MIER2: variants seen among roughly 807,000 people sequenced by gnomAD.
MIER2 encodes mesoderm induction early response protein 2.
In MIER2, 30 loss-of-function variants were observed where a neutral mutation model predicts 67.6. The ratio of observed to expected loss-of-function variants is 0.44; its 90% CI spans 0.33 to 0.60. The LOEUF is 0.60. MIER2 is among the 20% of genes least tolerant of loss of function. The probability of loss-of-function intolerance (pLI) is 0.02; values close to 1 mark genes in which losing one functional copy is unlikely to be tolerated. For synonymous variants in MIER2, 372 were observed against 312.6 expected (o/e 1.19, Z -2.00); for missense variants, 702 against 745.1 (o/e 0.94, Z 0.67).
chr19:314,605 C>T (rs916491907), intron 7 of MIER2, among the ~76,000 whole-genome samples: 1 of 152,096 alleles, frequency 6.6e-6, no homozygotes, highest in Non-Finnish European at 1.5e-5. Context: ...TGTGCCCCAC[C>T]AAGCAGGGGC....
chr19:326,401 G>A (rs1971750542), intron 6 of MIER2, 106 bp downstream of exon 6: 7 of 991,982 alleles, frequency 7.1e-6, no homozygotes, highest in Non-Finnish European at 1.1e-5. Flanking sequence ...CCACGGCCGG[G>A]ATGCCAGGCT....
chr19:313,754 G>C, intron 7 of MIER2, 111 bp from the exon 8 acceptor site: 1 of 1,432,324 alleles, frequency 7.0e-7, no homozygotes, highest in Non-Finnish European at 9.4e-7. Context: ...GGCACTGTCC[G>C]TCCTCCCTTT....
In MIER2 at chr19:317,334, G is replaced by T. The variant is rs371305610; in HGVS notation, c.656-3691C>A. ...CGAGGTCAGGAGATCGAGACCACCCGGGCTAACACGGTGAAACCTCGTCTC... is the reference window on the plus strand; with the variant it reads ...CGAGGTCAGGAGATCGAGACCACCCTGGCTAACACGGTGAAACCTCGTCTC... On this transcript the variant is annotated intron_variant, in intron 7 of 13. Transcript: ENST00000264819. 3.3e-3 allele frequency among the ~76,000 whole-genome samples: 499 copies of T among 151,800 alleles called. 3 individuals are homozygous for T. The highest frequency in any genetic ancestry group is 0.015 in the East Asian group (78 of 5,122).
intron 1 of MIER2, among the ~76,000 whole-genome samples, chr19:341,721 G>A (rs554734620): frequency 1.5e-4 from 23 of 152,230 alleles, no homozygotes; most frequent in Non-Finnish European, 1.5e-4. Context: ...AGTGGAAGCA[G>A]GAAAAAGAGG....
intron 6 of MIER2, among the ~76,000 whole-genome samples, chr19:326,148 G>A (rs528537865): frequency 6.6e-6 from 1 of 152,136 alleles, no homozygotes; most frequent in Admixed American, 6.5e-5. Context: ...GCCATGGGAG[G>A]GATGCCAGGT....
intron 10 of MIER2, among the ~76,000 whole-genome samples, chr19:310,126 G>A (rs1970885973): frequency 6.6e-6 from 1 of 152,164 alleles, no homozygotes; most frequent in Non-Finnish European, 1.5e-5. Context: ...ACAGAGCTGG[G>A]CGCACACCTG....
chr19:326,774 A>G, intron 5 of MIER2, 176 bp from the exon 6 acceptor site: 1 of 609,104 alleles, frequency 1.6e-6, no homozygotes, highest in South Asian at 2.0e-5. Flanking sequence ...ACCTTTGAAG[A>G]AAGAGGCCTT....
At chr19:309,983 G>C (rs111798289) in intron 10 of MIER2, among the ~76,000 whole-genome samples, 15 of 120,074 alleles carry the variant, frequency 1.2e-4, no homozygotes, top group South Asian at 2.7e-4. Flanking sequence ...GCTTCAGGGA[G>C]ACGAGAAGGG....
intron 7 of MIER2, among the ~76,000 whole-genome samples, chr19:322,968 A>G (rs1971560791): frequency 6.6e-6 from 1 of 151,670 alleles, no homozygotes; most frequent in Admixed American, 6.6e-5. Flanking sequence ...ACAATGGAAC[A>G]CACAAGAGAC....
chr19:340,080 GA>G (rs1175478724), intron 1 of MIER2, among the ~76,000 whole-genome samples: 2 of 152,142 alleles, frequency 1.3e-5, no homozygotes, highest in Non-Finnish European at 2.9e-5. Context: ...GGGTCCTCAA[GA>G]AAAAACCTCA....
At chr19:317,278 A>G (rs1055455718) in intron 7 of MIER2, among the ~76,000 whole-genome samples, 1 of 151,994 alleles carries the variant, frequency 6.6e-6, no homozygotes, top group East Asian at 1.9e-4. Flanking sequence ...CTGTAATCCC[A>G]GCACTTTGGG....
chr19:329,866 CAA>C lies in MIER2; in HGVS notation c.244-1879_244-1878del, dbSNP rs36067469. ...AGGTGACGAGAGCAATACTCCGTCT[CAA>C]AAAAAAAAAAAAAAAAAAAGAAGAT... On this transcript the variant is annotated intron_variant, in intron 3 of 13. Transcript: ENST00000264819. Among the ~76,000 whole-genome samples, 733 of 94,752 alleles carry C rather than the reference CAA, an allele frequency of 7.7e-3. 5 individuals carry two copies. The highest frequency in any genetic ancestry group is 0.02 in the African/African-American group (486 of 24,910). 62.2% of individuals were successfully genotyped at this position (94,752 alleles called of 152,430 possible). A position where few individuals can be genotyped will look rare whatever the true frequency, so the allele number is the denominator to read the frequency against.
At chr19:342,884 G>A (rs973477080) in intron 1 of MIER2, among the ~76,000 whole-genome samples, 1 of 151,872 alleles carries the variant, frequency 6.6e-6, no homozygotes, top group African/African-American at 2.4e-5. Flanking sequence ...AGGAAGTTCT[G>A]AGTCACTGGG....
intron 4 of MIER2, 125 bp from the exon 5 acceptor site, chr19:327,381 T>A (rs527927513): frequency 2.3e-4 from 288 of 1,235,220 alleles, no homozygotes; most frequent in Non-Finnish European, 3.0e-4. Context: ...CTATTCCCAT[T>A]CTGCAAAGGG....
At chr19:334,639 G>A in intron 2 of MIER2, 97 bp from the exon 3 acceptor site, 2 of 1,488,954 alleles carry the variant, frequency 1.3e-6, no homozygotes, top group Non-Finnish European at 1.8e-6. Flanking sequence ...TAAGGATGAG[G>A]CCCTCTGCAT....
At chr19:310,632 TAGAAACAGCCCAGAGTCC>T (rs1970938549) in intron 10 of MIER2, among the ~76,000 whole-genome samples, 56 of 121,910 alleles carry the variant, frequency 4.6e-4, no homozygotes, top group African/African-American at 9.6e-4. Flanking sequence ...CCCGGAGCTA[TAGAAACAGCCCAGAGTCC>T]AGAAACACAG....
chr19:324,180 A>T (rs1416239429), intron 7 of MIER2, among the ~76,000 whole-genome samples: 1 of 140,618 alleles, frequency 7.1e-6, no homozygotes, highest in Non-Finnish European at 1.5e-5. Context: ...AATACACAGG[A>T]CACACACAAC....
At chr19:326,986 C>T (rs1178914092) in intron 5 of MIER2, 147 bp downstream of exon 5, 1 of 1,165,182 alleles carries the variant, frequency 8.6e-7, no homozygotes, top group Non-Finnish European at 1.2e-6. Flanking sequence ...CAAAGCACCC[C>T]CAGGGCTACT....
chr19:342,740 C>T (rs1972560774), intron 1 of MIER2, among the ~76,000 whole-genome samples: 1 of 151,668 alleles, frequency 6.6e-6, no homozygotes, highest in East Asian at 1.9e-4. Context: ...GCCACTTTTA[C>T]GGGTTAAAAA....
Sources: gnomAD v4.1 joint callset for allele counts (sites outside exome capture counted in the v4.1 genomes callset) on GRCh38, gnomAD v4.1.1 for gene constraint, MANE v1.5 for transcripts, NCBI Gene and HGNC (gene_info 2026-07-23, HGNC 2026-07-21) for gene names.